Variants in NKAIN3 observed in about 807,000 individuals in gnomAD.
NKAIN3 encodes the protein sodium/potassium transporting ATPase interacting 3.
A neutral mutation model predicts 30.2 loss-of-function variants in NKAIN3; 25 were observed. The observed-to-expected ratio is 0.83, with a 90% confidence interval of 0.60 to 1.16. The LOEUF is 1.16. NKAIN3 is among the 50% of genes most tolerant of loss of function. The pLI is 0.00. For synonymous variants in NKAIN3, 91 were observed against 89.6 expected, an observed-to-expected ratio of 1.02 and a Z score of -0.09; for missense variants, 225 against 254.1, an observed-to-expected ratio of 0.89 and a Z score of 0.78.
chr8:62,643,379 T>G (rs920966044), intron 3 of NKAIN3, among the ~76,000 whole-genome samples: 1 of 152,104 alleles, frequency 6.6e-6, no homozygotes, highest in East Asian at 1.9e-4. Context: ...TGGCAACATA[T>G]AAGTCTCCAA....
chr8:62,561,282 A>C (rs1809570220), intron 1 of NKAIN3, among the ~76,000 whole-genome samples: 1 of 152,106 alleles, frequency 6.6e-6, no homozygotes, highest in Non-Finnish European at 1.5e-5. Context: ...TTTTAGAGTT[A>C]TTTTGTGTTT....
chr8:62,594,427 C>T (rs73259173), intron 3 of NKAIN3, among the ~76,000 whole-genome samples: 3,082 of 152,170 alleles, frequency 0.02, 114 homozygotes, highest in African/African-American at 0.071. Flanking sequence ...CCCTTCTCTT[C>T]ACTCCCAGGC....
intron 1 of NKAIN3, among the ~76,000 whole-genome samples, chr8:62,538,735 G>A (rs548796470): frequency 6.6e-6 from 1 of 152,218 alleles, no homozygotes; most frequent in Admixed American, 6.5e-5. Context: ...CCGTGTTCTT[G>A]TTTTGTCAGT....
At chr8:62,869,982 A>G (rs1563603612) in intron 4 of NKAIN3, among the ~76,000 whole-genome samples, 1 of 151,296 alleles carries the variant, frequency 6.6e-6, no homozygotes, top group South Asian at 2.1e-4. Context: ...GTGTTAGCCA[A>G]GATGGTCTCG....
intron 1 of NKAIN3, among the ~76,000 whole-genome samples, chr8:62,511,826 G>A (rs1807820933): frequency 6.6e-6 from 1 of 152,150 alleles, no homozygotes; most frequent in African/African-American, 2.4e-5. Flanking sequence ...AGCTCAAGAG[G>A]TACTGCCTTG....
Position 62,859,508 on chromosome 8 carries a change from T to TAAAAAAAAAAAAAA in NKAIN3, c.472-58932_472-58931insAAAAAAAAAAAAAA, listed in dbSNP as rs531859546. On this transcript the variant is annotated intron_variant, in intron 4 of 6. Coordinates refer to ENST00000623646, the MANE Select transcript of NKAIN3 (RefSeq NM_001304533.3). Reference sequence around the variant, plus strand: ...ACTTTTTCTATACTCTTACTTCAACTAAAAAAAAAAAAACTTCATGGAAGT... The same window carrying TAAAAAAAAAAAAAA: ...ACTTTTTCTATACTCTTACTTCAACTAAAAAAAAAAAAAAAAAAAAAAAAAAACTTCATGGAAGT... Among the ~76,000 whole-genome samples, 21 of 60,414 alleles carry TAAAAAAAAAAAAAA rather than the reference T, an allele frequency of 3.5e-4. 2 individuals are homozygous for TAAAAAAAAAAAAAA. The highest frequency in any genetic ancestry group is 8.6e-4 in the East Asian group (2 of 2,326). The allele number at this position is 60,414 out of a possible 152,430, so 39.6% of individuals were successfully genotyped here. A position where few individuals can be genotyped will look rare whatever the true frequency, so the allele number is the denominator to read the frequency against.
At chr8:62,530,791 A>C (rs2129837680) in intron 1 of NKAIN3, among the ~76,000 whole-genome samples, 1 of 152,066 alleles carries the variant, frequency 6.6e-6, no homozygotes, top group African/African-American at 2.4e-5. Context: ...TGTGTGTGCC[A>C]CCACACCTGG....
intron 2 of NKAIN3, among the ~76,000 whole-genome samples, chr8:62,585,445 G>A (rs1255111470): frequency 3.3e-5 from 5 of 152,124 alleles, no homozygotes; most frequent in African/African-American, 4.8e-5. Flanking sequence ...GGTGCAAGGT[G>A]GAATGTGTAC....
intron 1 of NKAIN3, among the ~76,000 whole-genome samples, chr8:62,551,392 C>T (rs1000247399): frequency 1.3e-5 from 2 of 152,090 alleles, no homozygotes; most frequent in Non-Finnish European, 2.9e-5. Context: ...TTTGAAACAT[C>T]AGTGCAATTG....
chr8:62,305,828 C>A (rs1814217786), intron 1 of NKAIN3, among the ~76,000 whole-genome samples: 1 of 150,304 alleles, frequency 6.7e-6, no homozygotes. Flanking sequence ...GACTCATTCT[C>A]ATTCGTCAAA....
chr8:62,896,210 C>T (rs945635482), intron 4 of NKAIN3, among the ~76,000 whole-genome samples: 13 of 152,164 alleles, frequency 8.5e-5, no homozygotes, highest in African/African-American at 2.9e-4. Flanking sequence ...TGTAACCTCA[C>T]ATGGTAGGGA....
intron 5 of NKAIN3, among the ~76,000 whole-genome samples, chr8:62,941,670 C>T (rs985247003): frequency 1.3e-5 from 2 of 152,040 alleles, no homozygotes; most frequent in East Asian, 1.9e-4. Flanking sequence ...ATCACATGAT[C>T]GTATCGACAG....
chr8:62,450,385 C>T (rs1805605391), intron 1 of NKAIN3, among the ~76,000 whole-genome samples: 1 of 152,116 alleles, frequency 6.6e-6, no homozygotes, highest in Admixed American at 6.6e-5. Flanking sequence ...TGGAATTCTC[C>T]TCCAATTACA....
chr8:62,263,918 A>T (rs1002156134), intron 1 of NKAIN3, among the ~76,000 whole-genome samples: 1 of 152,226 alleles, frequency 6.6e-6, no homozygotes, highest in Non-Finnish European at 1.5e-5. Context: ...GAAGATCTAA[A>T]CAGTAATAAA....
intron 1 of NKAIN3, among the ~76,000 whole-genome samples, chr8:62,374,013 T>A (rs1326474738): frequency 2.0e-5 from 3 of 147,418 alleles, no homozygotes; most frequent in African/African-American, 7.6e-5. Context: ...CTTGGGAGGC[T>A]GAGGCAGGAG....
chr8:62,507,471 G>T (rs1004121602), intron 1 of NKAIN3, among the ~76,000 whole-genome samples: 3 of 152,068 alleles, frequency 2.0e-5, no homozygotes, highest in Admixed American at 6.6e-5. Flanking sequence ...TACTACAATT[G>T]TTCATCCTGT....
chr8:62,319,402 T>C (rs560838840), intron 1 of NKAIN3, among the ~76,000 whole-genome samples: 34 of 152,340 alleles, frequency 2.2e-4, no homozygotes, highest in Middle Eastern at 6.8e-3. Flanking sequence ...CTTGTTTCTC[T>C]AGTTCTTTTA....
chr8:62,410,703 T>C lies in NKAIN3; in HGVS notation c.54+161576T>C, dbSNP rs1804211040. On this transcript the variant is annotated intron_variant, in intron 1 of 6. Coordinates refer to ENST00000623646, the MANE Select transcript of NKAIN3 (RefSeq NM_001304533.3). ...ACATTATAATTGATCCCCACAGAAA[T>C]ATAAAAGATCCTCAGAGTATACTAT... Among the ~76,000 whole-genome samples, 4 of 151,856 alleles carry C rather than the reference T, an allele frequency of 2.6e-5. No homozygotes were observed. The South Asian group carries it at 8.3e-4, about 32-fold the overall frequency.
chr8:62,641,929 G>T (rs1812319546), intron 3 of NKAIN3, among the ~76,000 whole-genome samples: 1 of 151,902 alleles, frequency 6.6e-6, no homozygotes, highest in Admixed American at 6.6e-5. Context: ...ATGAATAGTA[G>T]CCATAAAAGA....
Sources: gnomAD v4.1 joint callset for allele counts (sites outside exome capture counted in the v4.1 genomes callset) on GRCh38, gnomAD v4.1.1 for gene constraint, MANE v1.5 for transcripts, NCBI Gene and HGNC (gene_info 2026-07-23, HGNC 2026-07-21) for gene names.